ACMSD: variants seen among roughly 807,000 people sequenced by gnomAD.
ACMSD encodes the protein 2-amino-3-carboxymuconate-6-semialdehyde decarboxylase.
Under a neutral mutation model 45.9 loss-of-function variants are expected in ACMSD, and 37 were observed. The ratio of observed to expected loss-of-function variants is 0.81; its 90% CI spans 0.62 to 1.06. The LOEUF (loss-of-function observed/expected upper bound fraction) is 1.06. Among genes scored for constraint, ACMSD ranks in the 50% least tolerant of loss-of-function variants. The pLI is 0.00. For missense variants in ACMSD, 434 were observed against 420.9 expected (o/e 1.03, Z -0.27); for synonymous variants, 138 against 148.8 (o/e 0.93, Z 0.53).
chr2:134,853,713 A>C (rs1417312724), intron 2 of ACMSD, among the ~76,000 whole-genome samples: 2 of 152,160 alleles, frequency 1.3e-5, no homozygotes, highest in Middle Eastern at 3.4e-3. Context: ...GAAAAAAAAA[A>C]CCAATGAGAA....
chr2:134,882,405 C>G (rs1348790), intron 8 of ACMSD, among the ~76,000 whole-genome samples: 90,821 of 151,992 alleles, frequency 0.6, 29,101 homozygotes, highest in Middle Eastern at 0.91. Context: ...TTCTACAACT[C>G]TAAAATGGGG....
At chr2:134,847,465 G>T (rs1382699537) in intron 2 of ACMSD, among the ~76,000 whole-genome samples, 2 of 151,420 alleles carry the variant, frequency 1.3e-5, no homozygotes, top group East Asian at 1.9e-4. Context: ...TAGAGATAGA[G>T]ATAGATATAT....
chr2:134,839,349 T>A (rs1162050384), intron 1 of ACMSD, among the ~76,000 whole-genome samples: 1 of 152,178 alleles, frequency 6.6e-6, no homozygotes, highest in Non-Finnish European at 1.5e-5. Context: ...CACAGTGACA[T>A]CTCCTAAGAG....
intron 8 of ACMSD, among the ~76,000 whole-genome samples, chr2:134,891,995 CAT>C (rs966081051): frequency 6.6e-6 from 1 of 152,100 alleles, no homozygotes. Context: ...TCAAATACCA[CAT>C]GTTCTTACTT....
chr2:134,883,852 C>A (rs1206404046), intron 8 of ACMSD, among the ~76,000 whole-genome samples: 1 of 152,162 alleles, frequency 6.6e-6, no homozygotes, highest in Admixed American at 6.5e-5. Flanking sequence ...AGGAGACTGG[C>A]ATTACTCAAT....
At chr2:134,868,395 A>C (rs1031971910) in intron 6 of ACMSD, among the ~76,000 whole-genome samples, 1 of 151,778 alleles carries the variant, frequency 6.6e-6, no homozygotes, top group Non-Finnish European at 1.5e-5. Context: ...AATACAGCTC[A>C]TCTACAAACC....
chr2:134,850,449 G>A (rs1687284190), intron 2 of ACMSD, among the ~76,000 whole-genome samples: 1 of 152,060 alleles, frequency 6.6e-6, no homozygotes, highest in Middle Eastern at 3.4e-3. Flanking sequence ...TGTATTTTTA[G>A]TAGACACAGG....
chr2:134,848,091 T>C (rs867666879), intron 2 of ACMSD, among the ~76,000 whole-genome samples: 2 of 152,220 alleles, frequency 1.3e-5, no homozygotes, highest in Admixed American at 1.3e-4. Flanking sequence ...CCTCAGGTGA[T>C]CTGCTCGCCT....
chr2:134,852,654 G>C (rs879583994), intron 2 of ACMSD, among the ~76,000 whole-genome samples: 9 of 152,114 alleles, frequency 5.9e-5, no homozygotes, highest in Non-Finnish European at 8.8e-5. Context: ...GTTGAAGTAG[G>C]GCCTCCCGGG....
chr2:134,891,575 G>A (rs1364349265), intron 8 of ACMSD, among the ~76,000 whole-genome samples: 1 of 152,026 alleles, frequency 6.6e-6, no homozygotes, highest in East Asian at 1.9e-4. Flanking sequence ...TTATTAAAAA[G>A]TCAAAAATAA....
At chr2:134,895,162 C>T (rs776006910) in intron 8 of ACMSD, among the ~76,000 whole-genome samples, 4 of 151,322 alleles carry the variant, frequency 2.6e-5, no homozygotes, top group African/African-American at 9.7e-5. Flanking sequence ...AAAAATTAGC[C>T]GAGTGTGGTG....
intron 6 of ACMSD, among the ~76,000 whole-genome samples, chr2:134,868,180 G>A (rs1688210363): frequency 6.6e-6 from 1 of 152,168 alleles, no homozygotes; most frequent in East Asian, 1.9e-4. Flanking sequence ...ACCACCCAAA[G>A]ATCTGAAATC....
intron 8 of ACMSD, among the ~76,000 whole-genome samples, chr2:134,893,030 T>C (rs1689887540): frequency 6.6e-6 from 1 of 152,126 alleles, no homozygotes; most frequent in Non-Finnish European, 1.5e-5. Context: ...ATTTGCATTT[T>C]TCACCACCCA....
At chr2:134,887,466 C>T (rs1689527316) in intron 8 of ACMSD, among the ~76,000 whole-genome samples, 1 of 152,142 alleles carries the variant, frequency 6.6e-6, no homozygotes, top group Non-Finnish European at 1.5e-5. Flanking sequence ...TGCAGTGGCA[C>T]GATCTCGGCT....
chr2:134,870,575 C>T (rs1189398055), intron 6 of ACMSD, among the ~76,000 whole-genome samples: 1 of 152,206 alleles, frequency 6.6e-6, no homozygotes, highest in Non-Finnish European at 1.5e-5. Flanking sequence ...CAGACGTCAT[C>T]TTACAGATGA....
chr2:134,870,870 T>C, intron 6 of ACMSD, 95 bp from the exon 7 acceptor site: 2 of 1,067,216 alleles, frequency 1.9e-6, no homozygotes, highest in Non-Finnish European at 2.8e-6. Context: ...GGGCCTCAAG[T>C]TTCTTTGCAC....
intron 2 of ACMSD, among the ~76,000 whole-genome samples, chr2:134,851,384 G>A (rs374875867): frequency 2.0e-5 from 3 of 152,038 alleles, no homozygotes; most frequent in Admixed American, 1.3e-4. Context: ...AGAAATCTCT[G>A]AACTGCTTTC....
chr2:134,850,939 G>A (rs1276780679), intron 2 of ACMSD, among the ~76,000 whole-genome samples: 1 of 152,148 alleles, frequency 6.6e-6, no homozygotes, highest in Admixed American at 6.5e-5. Flanking sequence ...CTCAGGCCTT[G>A]TCTCCTCCCT....
At chr2:134,861,009 G>C (rs1687825288) in intron 3 of ACMSD, among the ~76,000 whole-genome samples, 2 of 152,190 alleles carry the variant, frequency 1.3e-5, no homozygotes, top group South Asian at 4.1e-4. Context: ...CAGCCTAGTG[G>C]TGGAGCAAGA....
Sources: gnomAD v4.1 joint callset for allele counts (sites outside exome capture counted in the v4.1 genomes callset) on GRCh38, gnomAD v4.1.1 for gene constraint, MANE v1.5 for transcripts, NCBI Gene and HGNC (gene_info 2026-07-23, HGNC 2026-07-21) for gene names.